EXOC4: variants seen among roughly 807,000 people sequenced by gnomAD.
The protein encoded by EXOC4 is exocyst complex component 4.
EXOC4 carries 71 observed loss-of-function variants against 107.2 expected under a neutral mutation model. The ratio of observed to expected loss-of-function variants is 0.66; its 90% CI spans 0.55 to 0.81. EXOC4 has a LOEUF of 0.81. EXOC4 is among the 30% of genes least tolerant of loss of function. The probability of loss-of-function intolerance (pLI) is 0.00; values close to 1 mark genes in which losing one functional copy is unlikely to be tolerated. For synonymous variants in EXOC4, 456 were observed against 441.2 expected, an observed-to-expected ratio of 1.03 and a Z score of -0.42; for missense variants, 1,108 against 1,189.6, an observed-to-expected ratio of 0.93 and a Z score of 1.01.
chr7:133,696,549 T>C (rs114339356), intron 10 of EXOC4, among the ~76,000 whole-genome samples: 2 of 152,200 alleles, frequency 1.3e-5, no homozygotes, highest in Admixed American at 6.5e-5. Context: ...CTCTTTTTTT[T>C]CCCCATGTAC....
intron 11 of EXOC4, among the ~76,000 whole-genome samples, chr7:133,859,428 TG>T (rs1798486671): frequency 6.6e-6 from 1 of 152,220 alleles, no homozygotes; most frequent in Non-Finnish European, 1.5e-5. Context: ...AAAGTACTGC[TG>T]TTTGTTAATG....
chr7:133,329,532 C>T (rs567967584), intron 5 of EXOC4, among the ~76,000 whole-genome samples: 27 of 152,228 alleles, frequency 1.8e-4, no homozygotes, highest in Admixed American at 3.9e-4. Context: ...AGCCATTTTG[C>T]ATTGGTTTCA....
intron 11 of EXOC4, among the ~76,000 whole-genome samples, chr7:133,862,173 T>A (rs908550729): frequency 1.3e-5 from 2 of 151,360 alleles, no homozygotes; most frequent in Non-Finnish European, 2.9e-5. Flanking sequence ...TTTTTTTTTT[T>A]AATTTTATGT....
chr7:133,881,910 G>A (rs919878449), intron 11 of EXOC4, among the ~76,000 whole-genome samples: 2 of 152,108 alleles, frequency 1.3e-5, no homozygotes, highest in African/African-American at 4.8e-5. Context: ...GTGCCTATTT[G>A]TAACAATGGT....
the EXOC4 span, among the ~76,000 whole-genome samples, chr7:134,080,989 C>T: frequency 6.6e-6 from 1 of 152,082 alleles, no homozygotes; most frequent in East Asian, 1.9e-4. Flanking sequence ...CCCTCACCTC[C>T]TTTAGGTCTC....
chr7:133,414,418 A>T (rs898419038), intron 7 of EXOC4, among the ~76,000 whole-genome samples: 1 of 152,208 alleles, frequency 6.6e-6, no homozygotes, highest in Admixed American at 6.5e-5. Flanking sequence ...AATATCTGGT[A>T]AAGTTGAAGA....
intron 9 of EXOC4, among the ~76,000 whole-genome samples, chr7:133,536,820 T>C (rs753418259): frequency 6.6e-6 from 1 of 152,036 alleles, no homozygotes; most frequent in South Asian, 2.1e-4. Context: ...CTCTTACTAT[T>C]GTATCTACAT....
the EXOC4 span, among the ~76,000 whole-genome samples, chr7:134,071,887 A>G: frequency 2.5e-4 from 38 of 152,184 alleles, 1 homozygote; most frequent in South Asian, 7.9e-3. Flanking sequence ...CTCACATGCT[A>G]TATTTGAGCC....
At chr7:133,485,534 T>C (rs1799252854) in intron 9 of EXOC4, among the ~76,000 whole-genome samples, 1 of 152,126 alleles carries the variant, frequency 6.6e-6, no homozygotes, top group East Asian at 1.9e-4. Context: ...TCTAACCTTT[T>C]CTAGCATCCC....
In EXOC4 at chr7:133,679,534, G is replaced by GTCCA. The variant is rs1384204420; in HGVS notation, c.1514+49396_1514+49397insATCC. On this transcript the variant is annotated intron_variant, in intron 10 of 17. Coordinates refer to ENST00000253861, the MANE Select transcript of EXOC4 (RefSeq NM_021807.4). ...GCTCTTGCTACTGCCCCATCCATCC[G>GTCCA]TCCGTCCGTCCATCCATCCATCCAT... Among the ~76,000 whole-genome samples the GTCCA allele has an allele frequency of 3.8e-3, 549 of 143,838 alleles. 2 individuals are homozygous for GTCCA. The highest frequency in any genetic ancestry group is 0.014 in the African/African-American group (522 of 36,300). The allele number at this position is 143,838 out of a possible 152,430, so 94.4% of individuals were successfully genotyped here.
intron 2 of EXOC4, among the ~76,000 whole-genome samples, chr7:133,287,274 A>AC (rs1794301367): frequency 6.7e-6 from 1 of 150,366 alleles, no homozygotes; most frequent in African/African-American, 2.4e-5. Context: ...GAGGTCTATG[A>AC]CCCCCCAAAT....
At chr7:133,560,556 T>G (rs1031608188) in intron 9 of EXOC4, among the ~76,000 whole-genome samples, 3 of 152,184 alleles carry the variant, frequency 2.0e-5, no homozygotes, top group Non-Finnish European at 4.4e-5. Context: ...AGTGATGGGA[T>G]TATAGGCGTG....
chr7:133,587,793 A>G (rs915883884), intron 9 of EXOC4, among the ~76,000 whole-genome samples: 1 of 152,206 alleles, frequency 6.6e-6, no homozygotes, highest in East Asian at 1.9e-4. Flanking sequence ...AGTTATCCAG[A>G]GAAGAGTTAA....
chr7:133,617,943 T>C (rs770848470), intron 9 of EXOC4, among the ~76,000 whole-genome samples: 2 of 152,040 alleles, frequency 1.3e-5, no homozygotes, highest in Non-Finnish European at 2.9e-5. Context: ...CCTTAAAGAA[T>C]TGCTGTAGAT....
At chr7:133,260,784 T>C (rs1338899910) in intron 1 of EXOC4, among the ~76,000 whole-genome samples, 1 of 152,138 alleles carries the variant, frequency 6.6e-6, no homozygotes, top group Non-Finnish European at 1.5e-5. Context: ...TCAATTGATC[T>C]CAGCAATTGT....
At chr7:133,820,532 A>T (rs1797495389) in intron 11 of EXOC4, among the ~76,000 whole-genome samples, 1 of 152,218 alleles carries the variant, frequency 6.6e-6, no homozygotes, top group Non-Finnish European at 1.5e-5. Flanking sequence ...ATTCTCAAAA[A>T]TTTTAGCTGA....
intron 7 of EXOC4, among the ~76,000 whole-genome samples, chr7:133,462,048 A>G (rs1053919868): frequency 1.3e-5 from 2 of 152,236 alleles, no homozygotes; most frequent in Non-Finnish European, 2.9e-5. Context: ...TATTCTCAGT[A>G]TATAGACATG....
At chr7:133,857,084 G>A (rs1798391477) in intron 11 of EXOC4, among the ~76,000 whole-genome samples, 1 of 133,726 alleles carries the variant, frequency 7.5e-6, no homozygotes, top group African/African-American at 2.8e-5. Context: ...GCAACAGAGA[G>A]AGACTCCGTC....
intron 10 of EXOC4, among the ~76,000 whole-genome samples, chr7:133,813,175 A>C (rs1425977547): frequency 6.6e-6 from 1 of 152,108 alleles, no homozygotes; most frequent in Non-Finnish European, 1.5e-5. Flanking sequence ...CTCAGCCAAA[A>C]GCGATGGGGG....
Sources: allele counts gnomAD v4.1 joint callset (sites outside exome capture counted in the v4.1 genomes callset), GRCh38; gene constraint gnomAD v4.1.1; transcripts MANE v1.5; gene names NCBI Gene and HGNC (gene_info 2026-07-23, HGNC 2026-07-21).